Variants in SLC30A7 observed in about 807,000 individuals in gnomAD.
SLC30A7 encodes zinc transporter 7.
In SLC30A7, 35 loss-of-function variants were observed where a neutral mutation model predicts 46.0. That is an observed-to-expected ratio of 0.76 (90% confidence interval 0.58 to 1.01). The LOEUF is 1.01. Among genes scored for constraint, SLC30A7 ranks in the 50% least tolerant of loss-of-function variants. The pLI is 0.00. For missense variants in SLC30A7, 464 were observed against 451.1 expected, an observed-to-expected ratio of 1.03 and a Z score of -0.26; for synonymous variants, 147 against 157.8, an observed-to-expected ratio of 0.93 and a Z score of 0.51.
At chr1:100,896,747 A>G (rs994236065) in intron 2 of SLC30A7, 76 bp downstream of exon 2, 1 of 1,247,562 alleles carries the variant, frequency 8.0e-7, no homozygotes, top group Non-Finnish European at 1.2e-6. Context: ...AATGCCACGT[A>G]GCTCCTCACT....
intron 8 of SLC30A7, among the ~76,000 whole-genome samples, chr1:100,924,244 C>A (rs1322489167): frequency 6.6e-6 from 1 of 152,158 alleles, no homozygotes; most frequent in Non-Finnish European, 1.5e-5. Flanking sequence ...TTGTTGACCT[C>A]TTTGGTCTCT....
chr1:100,923,004 A>ATTTTTTTT lies in SLC30A7; in HGVS notation c.842+1187_842+1194dup, dbSNP rs71084855. Among the ~76,000 whole-genome samples the ATTTTTTTT allele has an allele frequency of 1.0e-4, 5 of 49,138 alleles. 1 individual carries two copies. Among genetic ancestry groups the ATTTTTTTT allele is most frequent in the African/African-American group, 4.6e-4 (5 of 10,852 alleles). The allele number at this position is 49,138 out of a possible 152,430, so 32.2% of individuals were successfully genotyped here. A position where few individuals can be genotyped will look rare whatever the true frequency, so the allele number is the denominator to read the frequency against. On this transcript the variant is annotated intron_variant, in intron 8 of 10. Coordinates refer to ENST00000357650, the MANE Select transcript of SLC30A7 (RefSeq NM_133496.5). ...TATAGCTTGTAGTTTGTTAGAATAG[A>ATTTTTTTT]TTTTTTTTTTTTTTTTTTTTTTTTT...
chr1:100,896,652 T>C lies in SLC30A7; in HGVS notation c.163T>C (p.Tyr55His). The C allele has an allele frequency of 6.2e-7, 1 of 1,614,120 alleles. No homozygotes were observed. Residue 55 changes from tyrosine to histidine, a missense_variant, in exon 2 of 11, where the codon TAC becomes CAC. Coordinates refer to ENST00000357650, the MANE Select transcript of SLC30A7 (RefSeq NM_133496.5). ...NLSFAFVELLYGIWSNCLGLI... is the reference protein window; with the variant it reads ...NLSFAFVELLHGIWSNCLGLI... Reference sequence around the variant, plus strand: ...CTCTTTCGCTTTTGTGGAACTACTCTACGGCATCTGGAGCAACTGGTAACC... The same window carrying C: ...CTCTTTCGCTTTTGTGGAACTACTCCACGGCATCTGGAGCAACTGGTAACC...
chr1:100,953,255 A>G (rs1295761566), intron 8 of SLC30A7, among the ~76,000 whole-genome samples: 6 of 152,198 alleles, frequency 3.9e-5, no homozygotes, highest in Non-Finnish European at 8.8e-5. Context: ...ACGTAGTCCC[A>G]GGTAGTTTTT....
At chr1:100,946,435 G>A (rs1361901034) in intron 8 of SLC30A7, among the ~76,000 whole-genome samples, 1 of 152,112 alleles carries the variant, frequency 6.6e-6, no homozygotes, top group Non-Finnish European at 1.5e-5. Context: ...GTGATAAATA[G>A]CTTTTATTAT....
downstream of SLC30A7, among the ~76,000 whole-genome samples, chr1:100,985,753 G>A (rs962799188): frequency 1.3e-5 from 2 of 150,666 alleles, no homozygotes; most frequent in African/African-American, 4.9e-5. Flanking sequence ...TACAAATATT[G>A]AGTCTGTTGA....
the SLC30A7 span, among the ~76,000 whole-genome samples, chr1:100,992,243 T>C: frequency 6.6e-6 from 1 of 152,126 alleles, no homozygotes; most frequent in East Asian, 1.9e-4. Context: ...AGTCTCAATA[T>C]TAAGAATGAA....
In SLC30A7 at chr1:100,943,668, A is replaced by G. The variant is rs114769662; in HGVS notation, c.843-18160A>G. ...GAAAGACATCACTTTAGAGAGTCCA[A>G]GGATTTTAAGAGCTGTATATCAGGA... On this transcript the variant is annotated intron_variant, in intron 8 of 10. Coordinates refer to ENST00000357650, the MANE Select transcript of SLC30A7 (RefSeq NM_133496.5). Among the ~76,000 whole-genome samples the G allele has an allele frequency of 7.3e-3, 1,117 of 152,360 alleles. 8 individuals are homozygous for G. The highest frequency in any genetic ancestry group is 0.017 in the Middle Eastern group (5 of 294).
At chr1:100,947,906 T>C (rs1654738021) in intron 8 of SLC30A7, among the ~76,000 whole-genome samples, 1 of 152,186 alleles carries the variant, frequency 6.6e-6, no homozygotes, top group South Asian at 2.1e-4. Flanking sequence ...GCTTGGTAGA[T>C]CTTCCTCCAT....
rs1656769610 is a variant in SLC30A7 at position 100,979,352 on chromosome 1, G to A, written c.*4495G>A. 1.4e-5 allele frequency: 2 copies of A among 142,566 alleles called. No individual in the cohort carries two copies. The highest frequency in any genetic ancestry group is 3.0e-5 in the Non-Finnish European group (2 of 66,734). 8.8% of individuals were successfully genotyped at this position (142,566 alleles called of 1,614,324 possible). ...GACATTCATTGGAAGGCTTGTTGAAGACATGATCCCCCAGAAGCCTTAGTG... is the reference window on the plus strand; with the variant it reads ...GACATTCATTGGAAGGCTTGTTGAAAACATGATCCCCCAGAAGCCTTAGTG... On this transcript the variant is annotated 3_prime_UTR_variant, in exon 11 of 11. Transcript: ENST00000357650.
At chr1:100,946,058 A>G (rs895195422) in intron 8 of SLC30A7, among the ~76,000 whole-genome samples, 1 of 152,078 alleles carries the variant, frequency 6.6e-6, no homozygotes, top group South Asian at 2.1e-4. Context: ...TTGTGAATGG[A>G]AGTTCACTCA....
intron 8 of SLC30A7, among the ~76,000 whole-genome samples, chr1:100,933,400 G>A (rs1158005151): frequency 6.6e-6 from 1 of 151,682 alleles, no homozygotes; most frequent in Admixed American, 6.6e-5. Context: ...TCCCATCATT[G>A]TCCTAACAAT....
chr1:100,926,182 T>A, intron 8 of SLC30A7, among the ~76,000 whole-genome samples: 1 of 152,234 alleles, frequency 6.6e-6, no homozygotes, highest in East Asian at 1.9e-4. Flanking sequence ...TGATTGGATT[T>A]CTTTTTGTTA....
chr1:100,984,524 G>A (rs528150834), downstream of SLC30A7, among the ~76,000 whole-genome samples: 3 of 152,252 alleles, frequency 2.0e-5, no homozygotes, highest in South Asian at 2.1e-4. Context: ...AGACGACTTC[G>A]TAAGTCCCAA....
the SLC30A7 span, chr1:100,990,225 C>T: frequency 1.6e-6 from 1 of 606,902 alleles, no homozygotes; most frequent in Non-Finnish European, 2.9e-6. Flanking sequence ...CATCAGATCT[C>T]ATGAAAGCTC....
rs762140506 is a variant in SLC30A7 at position 100,913,667 on chromosome 1, C to T, written c.516C>T (p.His172=). 44 of 1,613,182 alleles carry T rather than the reference C, an allele frequency of 2.7e-5. No individual in the cohort carries two copies. The highest frequency in any genetic ancestry group is 1.2e-4 in the South Asian group (11 of 91,058). The part of the protein sequence containing the change: ...GGHGHSHGSG[H]GHSHSLFNGA... The stretch of plus-strand genomic sequence containing the variant: ...TCCTAACACTTTGTTTTCTAGGCCA[C>T]GGACACAGTCATTCCCTCTTTAATG... The change falls in exon 6 of 11, where the codon CAC becomes CAT. Residue 172 remains histidine, a synonymous_variant. Coordinates refer to ENST00000357650, the MANE Select transcript of SLC30A7 (RefSeq NM_133496.5).
At chr1:100,945,736 G>A (rs572315929) in intron 8 of SLC30A7, among the ~76,000 whole-genome samples, 5 of 152,104 alleles carry the variant, frequency 3.3e-5, no homozygotes, top group African/African-American at 9.7e-5. Context: ...CTCCAGCTTT[G>A]TTCTTTTTGC....
At chr1:100,936,082 C>CTT (rs796365691) in intron 8 of SLC30A7, among the ~76,000 whole-genome samples, 2 of 145,744 alleles carry the variant, frequency 1.4e-5, no homozygotes, top group African/African-American at 2.5e-5. Flanking sequence ...TTTCATTTTT[C>CTT]TTTTTTTTTT....
the SLC30A7 span, among the ~76,000 whole-genome samples, chr1:100,994,853 C>T: frequency 3.3e-5 from 5 of 152,266 alleles, no homozygotes; most frequent in Admixed American, 2.0e-4. Flanking sequence ...AGAATCCCAA[C>T]GCATTAATTC....
Sources: allele counts gnomAD v4.1 joint callset (sites outside exome capture counted in the v4.1 genomes callset), GRCh38; gene constraint gnomAD v4.1.1; transcripts MANE v1.5; gene names NCBI Gene and HGNC (gene_info 2026-07-23, HGNC 2026-07-21).